Variants in BANK1 observed in about 807,000 individuals in gnomAD.
BANK1 encodes B-cell scaffold protein with ankyrin repeats.
BANK1 carries 95 observed loss-of-function variants against 94.5 expected under a neutral mutation model. The ratio of observed to expected loss-of-function variants is 1.00; its 90% CI spans 0.85 to 1.19. The LOEUF (loss-of-function observed/expected upper bound fraction) is 1.19. Ranked by LOEUF, BANK1 falls within the 50% of genes most tolerant of loss-of-function variation. The probability of loss-of-function intolerance (pLI) is 0.00; values close to 1 mark genes in which losing one functional copy is unlikely to be tolerated. For missense variants in BANK1, 987 were observed against 932.2 expected (o/e 1.06, Z -0.77); for synonymous variants, 334 against 308.4 (o/e 1.08, Z -0.87).
At chr4:101,859,013 C>A (rs10516482) in intron 3 of BANK1, among the ~76,000 whole-genome samples, 12,369 of 152,160 alleles carry the variant, frequency 0.081, 769 homozygotes, top group African/African-American at 0.17. Flanking sequence ...TCAGAGATTA[C>A]CTTTTTGCCC....
intron 7 of BANK1, among the ~76,000 whole-genome samples, chr4:102,014,435 C>T (rs923673884): frequency 7.2e-5 from 11 of 152,126 alleles, no homozygotes; most frequent in South Asian, 2.1e-4. Context: ...AATAAACATG[C>T]GTTAGCTATT....
intron 11 of BANK1, among the ~76,000 whole-genome samples, chr4:102,051,222 G>T (rs1316846060): frequency 6.6e-6 from 1 of 152,250 alleles, no homozygotes; most frequent in Non-Finnish European, 1.5e-5. Context: ...GCCAGTACTG[G>T]ATATATTAAA....
At chr4:101,938,701 A>G (rs1480797640) in intron 7 of BANK1, among the ~76,000 whole-genome samples, 1 of 151,662 alleles carries the variant, frequency 6.6e-6, no homozygotes, top group Non-Finnish European at 1.5e-5. Context: ...TCAGTCCATA[A>G]AAGCTATTTA....
At chr4:101,807,923 A>AT (rs890017436) in intron 1 of BANK1, among the ~76,000 whole-genome samples, 11 of 150,718 alleles carry the variant, frequency 7.3e-5, no homozygotes, top group African/African-American at 2.7e-4. Context: ...TCTACTAAAA[A>AT]TAAAAAAAAA....
chr4:101,887,037 A>G (rs11727928), intron 5 of BANK1, among the ~76,000 whole-genome samples: 2,775 of 152,308 alleles, frequency 0.018, 33 homozygotes, highest in Non-Finnish European at 0.029. Flanking sequence ...ATGGCATGGC[A>G]GTGGAAGCAA....
chr4:102,036,575 A>T (rs1478400481), intron 10 of BANK1: 1 of 152,208 alleles, frequency 6.6e-6, no homozygotes, highest in Non-Finnish European at 1.5e-5. Flanking sequence ...TGACATATTT[A>T]TCATTATTTG....
chr4:101,909,750 T>C (rs922817731), intron 6 of BANK1, among the ~76,000 whole-genome samples: 2 of 152,184 alleles, frequency 1.3e-5, no homozygotes, highest in Non-Finnish European at 2.9e-5. Flanking sequence ...CAACAACATA[T>C]ATAAAAATAT....
chr4:101,859,872 G>A (rs1251515081), intron 3 of BANK1, among the ~76,000 whole-genome samples: 1 of 152,104 alleles, frequency 6.6e-6, no homozygotes, highest in African/African-American at 2.4e-5. Flanking sequence ...AGCTAGAAAG[G>A]CAAGACACAG....
intron 7 of BANK1, among the ~76,000 whole-genome samples, chr4:101,957,590 G>A (rs901980789): frequency 2.0e-5 from 3 of 152,136 alleles, no homozygotes. Flanking sequence ...AAACTCTTGG[G>A]ACACTGACCT....
chr4:101,948,264 G>C (rs1578415011), intron 7 of BANK1, among the ~76,000 whole-genome samples: 1 of 151,980 alleles, frequency 6.6e-6, no homozygotes, highest in East Asian at 1.9e-4. Context: ...GACACTCAAG[G>C]CTACCTGAAT....
At chr4:101,966,902 A>G (rs1724785410) in intron 7 of BANK1, among the ~76,000 whole-genome samples, 1 of 152,072 alleles carries the variant, frequency 6.6e-6, no homozygotes, top group African/African-American at 2.4e-5. Flanking sequence ...TTTCTGTGAC[A>G]AACTTTCTCT....
chr4:101,929,387 A>G (rs1723270913), intron 7 of BANK1, among the ~76,000 whole-genome samples: 1 of 151,610 alleles, frequency 6.6e-6, no homozygotes, highest in South Asian at 2.1e-4. Context: ...TAATATTATC[A>G]TCACCATTTT....
chr4:101,794,297 A>T (rs910503576), intron 1 of BANK1, among the ~76,000 whole-genome samples: 1 of 152,172 alleles, frequency 6.6e-6, no homozygotes. Context: ...TCAACTTACA[A>T]GAAGATGAGA....
At chr4:101,952,408 A>C (rs991346177) in intron 7 of BANK1, among the ~76,000 whole-genome samples, 1 of 152,176 alleles carries the variant, frequency 6.6e-6, no homozygotes. Context: ...TTAAGAGTGA[A>C]GTTTTCTAAA....
intron 15 of BANK1, among the ~76,000 whole-genome samples, chr4:102,073,210 C>T (rs1286468453): frequency 6.6e-6 from 1 of 150,522 alleles, no homozygotes; most frequent in Non-Finnish European, 1.5e-5. Context: ...TGTAGCCCAC[C>T]ACCAAGCTGT....
At chr4:101,915,764 T>A (rs1347031424) in intron 6 of BANK1, among the ~76,000 whole-genome samples, 2 of 152,142 alleles carry the variant, frequency 1.3e-5, no homozygotes, top group African/African-American at 4.8e-5. Flanking sequence ...ATTTCCTTTG[T>A]GCATTTTGTT....
intron 6 of BANK1, among the ~76,000 whole-genome samples, chr4:101,904,762 G>C (rs150762232): frequency 6.6e-6 from 1 of 152,102 alleles, no homozygotes; most frequent in African/African-American, 2.4e-5. Context: ...GTCCCAGGTC[G>C]TCCATCAGGC....
At chr4:101,940,247 C>T (rs1457502104) in intron 7 of BANK1, among the ~76,000 whole-genome samples, 1 of 124,826 alleles carries the variant, frequency 8.0e-6, no homozygotes, top group African/African-American at 2.6e-5. Context: ...CTTTTCTAAG[C>T]AGGAAAAAAA....
In BANK1 at chr4:101,829,916, A is replaced by G; in HGVS notation, c.179A>G (p.Tyr60Cys). 1 of 1,613,976 alleles carries G rather than the reference A, an allele frequency of 6.2e-7. No individual in the cohort carries two copies. The change falls in exon 2 of 17, where the codon TAT (tyrosine) becomes TGT (cysteine). Residue 60 changes from tyrosine (Y) to cysteine (C), a missense_variant. Physicochemically the swap from Tyr to Cys is radical, Grantham distance 194 (BLOSUM62 -2). Transcript: ENST00000322953. The part of the protein sequence containing the change: ...HVVKREAILL[Y>C]RLENFSFRHL... ...GTGAAAAGGGAAGCCATCCTGTTAT[A>G]TCGCTTGGAGAATTTCTCTTTTCGG... is the stretch of plus-strand genomic sequence containing the variant.
Sources: gnomAD v4.1 joint callset for allele counts (sites outside exome capture counted in the v4.1 genomes callset) on GRCh38, gnomAD v4.1.1 for gene constraint, MANE v1.5 for transcripts, NCBI Gene and HGNC (gene_info 2026-07-23, HGNC 2026-07-21) for gene names.